Variants in ADPRHL1 observed in about 807,000 individuals in gnomAD.
ADPRHL1 encodes the protein inactive ADP-ribosyltransferase ARH2.
In ADPRHL1, 43 loss-of-function variants were observed where a neutral mutation model predicts 44.1. The ratio of observed to expected loss-of-function variants is 0.98; its 90% CI spans 0.76 to 1.26. The LOEUF is 1.26. ADPRHL1 is among the 50% of genes most tolerant of loss of function. ADPRHL1 has a pLI of 0.00. For missense variants in ADPRHL1, 2,022 were observed against 2,496.9 expected (o/e 0.81, Z 4.05); for synonymous variants, 878 against 1,017.4 (o/e 0.86, Z 2.61).
intron 3 of ADPRHL1, among the ~76,000 whole-genome samples, chr13:113,431,335 C>T (rs549992547): frequency 4.6e-5 from 7 of 152,344 alleles, no homozygotes; most frequent in East Asian, 1.9e-4. Context: ...GGAGACAGGC[C>T]GCAGAGACAG....
At chr13:113,442,261 T>C (rs751823194) in intron 2 of ADPRHL1, among the ~76,000 whole-genome samples, 1 of 152,170 alleles carries the variant, frequency 6.6e-6, no homozygotes, top group Non-Finnish European at 1.5e-5. Context: ...TCAAGACCAG[T>C]CAGGGCAACA....
intron 7 of ADPRHL1, among the ~76,000 whole-genome samples, chr13:113,415,628 G>A (rs2043883428): frequency 6.6e-6 from 1 of 151,908 alleles, no homozygotes; most frequent in African/African-American, 2.4e-5. Context: ...GTGTGTACCT[G>A]TAGTCCCAGC....
intron 4 of ADPRHL1, among the ~76,000 whole-genome samples, chr13:113,426,370 C>A (rs918037883): frequency 7.9e-5 from 12 of 152,368 alleles, no homozygotes; most frequent in African/African-American, 2.9e-4. Context: ...GCCGTGCAGG[C>A]CGCTGGTGGC....
intron 5 of ADPRHL1, 79 bp from the exon 6 acceptor site, chr13:113,424,428 C>T: frequency 2.5e-6 from 4 of 1,575,102 alleles, no homozygotes; most frequent in East Asian, 4.5e-5. Context: ...GCTTTCTGGG[C>T]CCCTCCTAGT....
chr13:113,435,997 G>C (rs1595551588), intron 2 of ADPRHL1, among the ~76,000 whole-genome samples: 2 of 151,950 alleles, frequency 1.3e-5, no homozygotes, highest in East Asian at 1.9e-4. Context: ...CACATGTAGA[G>C]TGAACATAGG....
At chr13:113,437,249 CACAT>C (rs1196565121) in intron 2 of ADPRHL1, among the ~76,000 whole-genome samples, 1 of 139,632 alleles carries the variant, frequency 7.2e-6, no homozygotes, top group African/African-American at 2.7e-5. Context: ...CCGGCACCCA[CACAT>C]AGAGTGAACA....
intron 7 of ADPRHL1, among the ~76,000 whole-genome samples, chr13:113,410,627 A>G (rs2043845449): frequency 6.6e-6 from 1 of 152,154 alleles, no homozygotes; most frequent in Non-Finnish European, 1.5e-5. Flanking sequence ...CCCAGGAAGG[A>G]GCCGCTGTGT....
In ADPRHL1 at chr13:113,408,211, G is replaced by C; in HGVS notation, c.1071C>G (p.Ser357Arg). Residue 357 changes from serine (S) to arginine (R), a missense_variant, in exon 8 of 8, where the codon AGC (serine) becomes AGG (arginine). Around this residue, in one of 8 missense-constraint regions of ADPRHL1, gnomAD observed 1,221 missense variants for 1,517.8 expected, o/e 0.80. Transcript: ENST00000612156. ...ACATGACGTCACTGCAGGTCTTGCT[G>C]CTCTTCCGGCTGCAGAGAAAAAGGA... is the stretch of plus-strand genomic sequence containing the variant. ...YRLSTEENRK[S>R]SKTCSDVMSV... 1 of 1,232,012 alleles carries C rather than the reference G, an allele frequency of 8.1e-7. No individual in the cohort carries two copies. The highest frequency in any genetic ancestry group is 1.0e-6 in the Non-Finnish European group (1 of 987,980). 76.3% of individuals were successfully genotyped at this position (1,232,012 alleles called of 1,614,324 possible).
At chr13:113,428,559 A>G (rs1022034866) in intron 4 of ADPRHL1, among the ~76,000 whole-genome samples, 1 of 152,228 alleles carries the variant, frequency 6.6e-6, no homozygotes, top group Admixed American at 6.5e-5. Context: ...GGAAGGGCCC[A>G]GCCCTGAGCT....
intron 1 of ADPRHL1, among the ~76,000 whole-genome samples, chr13:113,446,878 A>G (rs2044142650): frequency 6.9e-6 from 1 of 144,140 alleles, no homozygotes; most frequent in African/African-American, 2.6e-5. Flanking sequence ...GTGTGTGTGC[A>G]TGGTGTCTAC....
intron 7 of ADPRHL1, among the ~76,000 whole-genome samples, chr13:113,408,971 G>T (rs1403686523): frequency 2.0e-5 from 3 of 151,924 alleles, no homozygotes; most frequent in African/African-American, 7.3e-5. Context: ...GGAAAGAGGG[G>T]GCTGCAGAGA....
At chr13:113,444,034 T>C (rs2044117965) in intron 2 of ADPRHL1, among the ~76,000 whole-genome samples, 1 of 152,086 alleles carries the variant, frequency 6.6e-6, no homozygotes, top group South Asian at 2.1e-4. Flanking sequence ...ATATTTATAA[T>C]ATATAGAGCT....
chr13:113,429,094 T>C lies in ADPRHL1; in HGVS notation c.506-2A>G. 1 of 1,596,098 alleles carries C rather than the reference T, an allele frequency of 6.3e-7. No homozygotes were observed. Among genetic ancestry groups the C allele is most frequent in the East Asian group, 2.2e-5 (1 of 44,690 alleles). On this transcript the variant is annotated splice_acceptor_variant, in intron 3 of 7. Transcript: ENST00000612156. LOFTEE classifies it high-confidence loss of function. ...CCGTGCACAGGGAGCCCAGGAAGCC[T>C]GGAGGGCAGGGAAGAGAGAGGGGGC...
intron 3 of ADPRHL1, among the ~76,000 whole-genome samples, chr13:113,431,571 G>GCA (rs1352364607): frequency 6.6e-6 from 1 of 152,214 alleles, no homozygotes; most frequent in Non-Finnish European, 1.5e-5. Flanking sequence ...CACAAACTGT[G>GCA]GCTCTTACTG....
intron 7 of ADPRHL1, among the ~76,000 whole-genome samples, chr13:113,417,641 C>T (rs9549411): frequency 0.3 from 46,145 of 152,154 alleles, 7,403 homozygotes; most frequent in Middle Eastern, 0.45. Flanking sequence ...AATCCCGAGA[C>T]GGTCTCAGGC....
At chr13:113,417,440 G>A (rs1316993432) in intron 7 of ADPRHL1, among the ~76,000 whole-genome samples, 3 of 152,384 alleles carry the variant, frequency 2.0e-5, no homozygotes, top group Non-Finnish European at 4.4e-5. Flanking sequence ...CAGACAGAAC[G>A]TTCGCGATGT....
At chr13:113,412,948 TGCCCCGC>T (rs2043866231) in intron 7 of ADPRHL1, among the ~76,000 whole-genome samples, 1 of 13,768 alleles carries the variant, frequency 7.3e-5, no homozygotes, top group Non-Finnish European at 1.4e-4. Flanking sequence ...CCGCCAACAG[TGCCCCGC>T]AGAGCTCGGT....
intron 1 of ADPRHL1, among the ~76,000 whole-genome samples, chr13:113,447,317 C>T (rs556226921): frequency 6.9e-6 from 1 of 144,366 alleles, no homozygotes; most frequent in South Asian, 2.2e-4. Flanking sequence ...CGTCTACACG[C>T]ACGGTGTTGT....
At chr13:113,414,872 A>G (rs2043879376) in intron 7 of ADPRHL1, among the ~76,000 whole-genome samples, 1 of 151,608 alleles carries the variant, frequency 6.6e-6, no homozygotes, top group Non-Finnish European at 1.5e-5. Flanking sequence ...ATGAGGTTTC[A>G]CCATGTTGGC....
Sources: gnomAD v4.1 joint callset for allele counts (sites outside exome capture counted in the v4.1 genomes callset) on GRCh38, gnomAD v4.1.1 for gene constraint, gnomAD v4.1.1 regional missense constraint, MANE v1.5 for transcripts, NCBI Gene and HGNC (gene_info 2026-07-23, HGNC 2026-07-21) for gene names.